The following FARP1 variants were observed in gnomAD, a reference collection of about 807,000 sequenced individuals.
The protein encoded by FARP1 is FERM, ARH/RhoGEF and pleckstrin domain protein 1, also known as FERM, ARHGEF and pleckstrin domain-containing protein 1.
Under a neutral mutation model 128.8 loss-of-function variants are expected in FARP1, and 52 were observed. The observed-to-expected ratio is 0.40, with a 90% CI of 0.32 to 0.51. The LOEUF (loss-of-function observed/expected upper bound fraction) is 0.51. FARP1 is among the 20% of genes least tolerant of loss of function. The pLI, the probability that FARP1 is intolerant of heterozygous loss-of-function variation, is 0.45. For synonymous variants in FARP1, 580 were observed against 551.8 expected (o/e 1.05, Z -0.72); for missense variants, 1,333 against 1,367.9 (o/e 0.97, Z 0.40).
rs775668067 is a variant in FARP1 at position 98,177,080 on chromosome 13, C to T, written c.-24+33588C>T. The T allele has an allele frequency of 5.6e-6, 9 of 1,597,948 alleles. No individual in the cohort carries two copies. In the South Asian group the frequency reaches 7.7e-5, roughly 14 times the overall value. On this transcript the variant is annotated intron_variant, in intron 1 of 26. Transcript: ENST00000319562. ...CGCGGGGGCTGAGCCACTGTGTCGC[C>T]CTCGTCCCCGCTGCTGCTGCTCTCT...
At chr13:98,293,334 C>G (rs1885529485) in intron 2 of FARP1, among the ~76,000 whole-genome samples, 1 of 152,094 alleles carries the variant, frequency 6.6e-6, no homozygotes, top group Non-Finnish European at 1.5e-5. Context: ...TGACATTGTT[C>G]TCATAGCAGA....
At chr13:98,388,539 G>C (rs1890186251) in intron 9 of FARP1, 61 bp downstream of exon 9, 1 of 1,287,660 alleles carries the variant, frequency 7.8e-7, no homozygotes, top group East Asian at 2.3e-5. Context: ...TGTCCTGCAA[G>C]GGGTGGAGGT....
intron 2 of FARP1, among the ~76,000 whole-genome samples, chr13:98,243,576 T>C (rs1882899411): frequency 6.6e-6 from 1 of 150,848 alleles, no homozygotes; most frequent in Non-Finnish European, 1.5e-5. Context: ...TGGGCGCCTG[T>C]AATCTCAGCT....
intron 2 of FARP1, among the ~76,000 whole-genome samples, chr13:98,284,097 C>T (rs1160869662): frequency 1.3e-5 from 2 of 152,190 alleles, no homozygotes; most frequent in Non-Finnish European, 2.9e-5. Flanking sequence ...ACAAGTTTGT[C>T]CAACGCCCAT....
At chr13:98,307,226 T>C (rs1394357475) in intron 2 of FARP1, among the ~76,000 whole-genome samples, 13 of 152,286 alleles carry the variant, frequency 8.5e-5, no homozygotes, top group African/African-American at 3.1e-4. Context: ...ATTGAATGCG[T>C]TTTTCTCAGA....
Position 98,261,114 on chromosome 13 carries a change from C to T in FARP1, c.171+47701C>T, listed in dbSNP as rs549139945. 7.2e-5 allele frequency among the ~76,000 whole-genome samples: 11 copies of T among 152,290 alleles called. No homozygotes were observed. The South Asian group carries it at 1.7e-3, about 23-fold the overall frequency. Reference sequence around the variant, plus strand: ...TATGGGAATGCACAGTGCATTGCTGCGTGGTGACAGCTGTTGATGGGGCAC... The same window carrying T: ...TATGGGAATGCACAGTGCATTGCTGTGTGGTGACAGCTGTTGATGGGGCAC... On this transcript the variant is annotated intron_variant, in intron 2 of 26. Transcript: ENST00000319562.
rs71111943 is a variant in FARP1, at chr13:98,313,242, T to TACACACACACACACAC, written c.172-30503_172-30488dup. 9.4e-4 allele frequency among the ~76,000 whole-genome samples: 113 copies of TACACACACACACACAC among 120,018 alleles called. 1 individual carries two copies. Among genetic ancestry groups the TACACACACACACACAC allele is most frequent in the African/African-American group, 1.7e-3 (53 of 30,980 alleles). 78.7% of individuals were successfully genotyped at this position (120,018 alleles called of 152,430 possible). A position where few individuals can be genotyped will look rare whatever the true frequency, so the allele number is the denominator to read the frequency against. ...CACTCTGGAATCGGGTGGGTCATAA[T>TACACACACACACACAC]ACACACACACACACACACACACACA... is the stretch of plus-strand genomic sequence containing the variant. On this transcript the variant is annotated intron_variant, in intron 2 of 26. Transcript: ENST00000319562.
At chr13:98,202,753 T>A (rs147681940) in intron 1 of FARP1, among the ~76,000 whole-genome samples, 324 of 152,314 alleles carry the variant, frequency 2.1e-3, no homozygotes, top group Middle Eastern at 6.8e-3. Context: ...AGGGTCTTGC[T>A]TTGTTGCCCG....
At chr13:98,146,888 G>GT (rs1223331567) in intron 1 of FARP1, among the ~76,000 whole-genome samples, 1 of 152,160 alleles carries the variant, frequency 6.6e-6, no homozygotes, top group African/African-American at 2.4e-5. Context: ...TTGTCTTTTA[G>GT]TGTCAGAGTT....
intron 2 of FARP1, among the ~76,000 whole-genome samples, chr13:98,313,433 G>T (rs570764880): frequency 6.6e-6 from 1 of 152,306 alleles, no homozygotes; most frequent in East Asian, 1.9e-4. Flanking sequence ...GGGATGCCAG[G>T]GCTTGCCAGC....
intron 16 of FARP1, among the ~76,000 whole-genome samples, chr13:98,418,030 A>G (rs1891453147): frequency 6.6e-6 from 1 of 152,104 alleles, no homozygotes; most frequent in African/African-American, 2.4e-5. Flanking sequence ...GTGTGATCGA[A>G]TATCCTTTTA....
intron 1 of FARP1, among the ~76,000 whole-genome samples, chr13:98,178,156 G>C (rs1276999198): frequency 6.6e-6 from 1 of 150,522 alleles, no homozygotes; most frequent in East Asian, 1.9e-4. Context: ...CCCTCCACAC[G>C]CCAATTCCTG....
chr13:98,171,323 A>G (rs902156817), intron 1 of FARP1, among the ~76,000 whole-genome samples: 15 of 152,164 alleles, frequency 9.9e-5, no homozygotes, highest in African/African-American at 2.7e-4. Context: ...GCAAAGGTCT[A>G]GCCTCTTCGT....
intron 2 of FARP1, among the ~76,000 whole-genome samples, chr13:98,237,189 A>G (rs547367571): frequency 1.2e-4 from 18 of 151,710 alleles, no homozygotes; most frequent in Non-Finnish European, 2.1e-4. Flanking sequence ...CTATAATCCC[A>G]GGTACTCGGG....
intron 2 of FARP1, among the ~76,000 whole-genome samples, chr13:98,250,295 A>G (rs1475840449): frequency 6.6e-6 from 1 of 152,238 alleles, no homozygotes; most frequent in African/African-American, 2.4e-5. Flanking sequence ...TTCTAAAGAA[A>G]GGTACAATAA....
At chr13:98,446,036 C>A (rs1262228122) in intron 24 of FARP1, 62 bp from the exon 25 acceptor site, 1 of 1,137,108 alleles carries the variant, frequency 8.8e-7, no homozygotes, top group Non-Finnish European at 1.3e-6. Context: ...GGGAGAGCTG[C>A]TCTCTGTGCC....
In FARP1 at chr13:98,373,533, G is replaced by GACAGACAC. The variant is rs1349451618; in HGVS notation, c.399-4285_399-4284insGACACACA. Reference sequence around the variant, plus strand: ...TTGACTTTCCAGAGACAGACAGACAGACACACACACACACACACACACACA... The same window carrying GACAGACAC: ...TTGACTTTCCAGAGACAGACAGACAGACAGACACACACACACACACACACACACACACA... On this transcript the variant is annotated intron_variant, in intron 5 of 26. Transcript: ENST00000319562. Among the ~76,000 whole-genome samples the GACAGACAC allele has an allele frequency of 5.0e-3, 652 of 131,056 alleles. 4 individuals carry two copies. Among genetic ancestry groups the GACAGACAC allele is most frequent in the African/African-American group, 0.01 (341 of 33,914 alleles). 86.0% of individuals were successfully genotyped at this position (131,056 alleles called of 152,430 possible). A position where few individuals can be genotyped will look rare whatever the true frequency, so the allele number is the denominator to read the frequency against.
At position 98,448,547 on chromosome 13, in the gene FARP1, T is replaced by C; in HGVS notation, c.*230T>C. ...TCCGCTGGGGGCGCTGTTCTTTAGCTAGTGCCAGTATTAAAACATTGTCAT... is the reference window on the plus strand; with the variant it reads ...TCCGCTGGGGGCGCTGTTCTTTAGCCAGTGCCAGTATTAAAACATTGTCAT... On this transcript the variant is annotated 3_prime_UTR_variant, in exon 27 of 27. Coordinates refer to ENST00000319562, the MANE Select transcript of FARP1 (RefSeq NM_005766.4). 1.8e-6 allele frequency: 1 copy of C among 543,392 alleles called. No homozygotes were observed. The highest frequency in any genetic ancestry group is 1.9e-5 in the African/African-American group (1 of 52,576). The allele number at this position is 543,392 out of a possible 1,614,324, so 33.7% of individuals were successfully genotyped here. A position where few individuals can be genotyped will look rare whatever the true frequency, so the allele number is the denominator to read the frequency against.
intron 3 of FARP1, among the ~76,000 whole-genome samples, chr13:98,362,276 A>G (rs1184942721): frequency 6.6e-6 from 1 of 152,098 alleles, no homozygotes; most frequent in Non-Finnish European, 1.5e-5. Context: ...GCAAGTGAAC[A>G]ATACCCTTAC....
Sources: gnomAD v4.1 joint callset for allele counts (sites outside exome capture counted in the v4.1 genomes callset) on GRCh38, gnomAD v4.1.1 for gene constraint, MANE v1.5 for transcripts, NCBI Gene and HGNC (gene_info 2026-07-23, HGNC 2026-07-21) for gene names.